PLD1: variants seen among roughly 807,000 people sequenced by gnomAD.
PLD1 encodes phospholipase D1, also known as choline phosphatase 1.
A neutral mutation model predicts 137.1 loss-of-function variants in PLD1; 112 were observed. That is an observed-to-expected ratio of 0.82 (90% CI 0.70 to 0.96). The LOEUF is 0.96. PLD1 is among the 40% of genes least tolerant of loss of function. The probability of loss-of-function intolerance (pLI) is 0.00; values close to 1 mark genes in which losing one functional copy is unlikely to be tolerated. For synonymous variants in PLD1, 431 were observed against 454.7 expected (o/e 0.95, Z 0.66); for missense variants, 1,321 against 1,342.0 (o/e 0.98, Z 0.24).
chr3:171,767,641 T>C (rs181453077), intron 1 of PLD1, among the ~76,000 whole-genome samples: 5 of 152,362 alleles, frequency 3.3e-5, no homozygotes, highest in Admixed American at 2.0e-4. Context: ...TACTAGTTGC[T>C]CTGACTTAGG....
intron 21 of PLD1, among the ~76,000 whole-genome samples, chr3:171,649,579 A>G (rs549715580): frequency 2.1e-4 from 32 of 152,344 alleles, no homozygotes; most frequent in African/African-American, 7.0e-4. Context: ...GATAGCATTC[A>G]GCTTAGGGTA....
At chr3:171,787,775 GGAAAA>G (rs1310045855) in intron 1 of PLD1, among the ~76,000 whole-genome samples, 2 of 150,652 alleles carry the variant, frequency 1.3e-5, no homozygotes, top group African/African-American at 4.9e-5. Context: ...TTCTCATTTA[GGAAAA>G]GAAAATATTT....
intron 21 of PLD1, among the ~76,000 whole-genome samples, chr3:171,657,361 G>A (rs1187466124): frequency 6.6e-6 from 1 of 152,126 alleles, no homozygotes; most frequent in Non-Finnish European, 1.5e-5. Flanking sequence ...ACATGACACT[G>A]GAAGTAAAAA....
intron 19 of PLD1, among the ~76,000 whole-genome samples, chr3:171,667,905 C>T (rs1300845932): frequency 6.6e-6 from 1 of 152,264 alleles, no homozygotes; most frequent in South Asian, 2.1e-4. Context: ...GCCCATGCCA[C>T]CATGCTGAAC....
At chr3:171,687,233 A>G (rs1196860070) in intron 15 of PLD1, 138 bp downstream of exon 15, 1 of 678,920 alleles carries the variant, frequency 1.5e-6, no homozygotes, top group African/African-American at 1.8e-5. Context: ...GAGGTTGAAT[A>G]GAATGATATA....
At chr3:171,651,815 G>A (rs891728522) in intron 21 of PLD1, among the ~76,000 whole-genome samples, 5 of 152,036 alleles carry the variant, frequency 3.3e-5, no homozygotes, top group African/African-American at 9.7e-5. Context: ...TGGCCCAGAC[G>A]GTTTTCATTG....
At chr3:171,639,354 G>A (rs532976474) in intron 23 of PLD1, among the ~76,000 whole-genome samples, 1 of 124,764 alleles carries the variant, frequency 8.0e-6, no homozygotes. Context: ...AGATATATAT[G>A]AATATATATT....
chr3:171,677,587 GAACC>G lies in PLD1; in HGVS notation c.1971_1974del (p.Trp657CysfsTer50). 1 of 1,613,996 alleles carries G rather than the reference GAACC, an allele frequency of 6.2e-7. No individual in the cohort carries two copies. Among genetic ancestry groups the G allele is most frequent in the Admixed American group, 1.7e-5 (1 of 60,006 alleles). ...TCACCAGCAAAAGGTTTATCAAGTT[GAACC>G]CAGTCTTTGAAGACGAAATTGCAGT... On this transcript the variant is annotated frameshift_variant, in exon 17 of 27. Transcript: ENST00000351298. LOFTEE classifies it high-confidence loss of function.
rs114900103 is a variant in PLD1 at position 171,645,141 on chromosome 3, G to A, written c.2430-118C>T. On this transcript the variant is annotated intron_variant, in intron 21 of 26. Transcript: ENST00000351298. ...TTGAGTGAATGGCTTCCTACAACAC[G>A]TTCTGTCACATTTCAGGACTTGGGA... The A allele has an allele frequency of 0.011, 7,674 of 698,908 alleles. 460 individuals carry two copies. The African/African-American group carries it at 0.12, about 11-fold the overall frequency. 43.3% of individuals were successfully genotyped at this position (698,908 alleles called of 1,614,324 possible).
At chr3:171,764,892 A>G (rs71629240) in intron 1 of PLD1, among the ~76,000 whole-genome samples, 2,735 of 18,842 alleles carry the variant, frequency 0.15, 126 homozygotes, top group Middle Eastern at 0.31. Context: ...AGAAAGAAAG[A>G]AAGGAAGGAA....
In PLD1 at chr3:171,602,827, C is replaced by G. The variant is rs1229448120; in HGVS notation, c.*251G>C. The G allele has an allele frequency of 1.6e-5, 8 of 497,134 alleles. No individual in the cohort carries two copies. Among genetic ancestry groups the G allele is most frequent in the Non-Finnish European group, 2.9e-5 (8 of 278,344 alleles). 30.8% of individuals were successfully genotyped at this position (497,134 alleles called of 1,614,324 possible). Reference sequence around the variant, plus strand: ...ACGGAATTTGAATATGTGTTTTACTCAACAGAGTACATGCTACCAACAAGA... The same window carrying G: ...ACGGAATTTGAATATGTGTTTTACTGAACAGAGTACATGCTACCAACAAGA... On this transcript the variant is annotated 3_prime_UTR_variant, in exon 27 of 27. Coordinates refer to ENST00000351298, the MANE Select transcript of PLD1 (RefSeq NM_002662.5).
At chr3:171,794,694 A>G (rs1723358430) in intron 1 of PLD1, among the ~76,000 whole-genome samples, 1 of 152,226 alleles carries the variant, frequency 6.6e-6, no homozygotes, top group Admixed American at 6.5e-5. Flanking sequence ...TTAAAAAAAA[A>G]AAGTACTGGA....
intron 25 of PLD1, among the ~76,000 whole-genome samples, chr3:171,609,802 G>A (rs1207414644): frequency 6.6e-6 from 1 of 151,970 alleles, no homozygotes; most frequent in Non-Finnish European, 1.5e-5. Context: ...TGGGTACAAT[G>A]TACACTATTT....
chr3:171,709,286 C>T (rs1235997068), intron 10 of PLD1, among the ~76,000 whole-genome samples: 1 of 152,136 alleles, frequency 6.6e-6, no homozygotes, highest in East Asian at 1.9e-4. Flanking sequence ...ATAAACCTTC[C>T]ATTTGCATCA....
chr3:171,632,064 A>G (rs551674821), intron 23 of PLD1, among the ~76,000 whole-genome samples: 2 of 152,316 alleles, frequency 1.3e-5, no homozygotes, highest in South Asian at 2.1e-4. Context: ...ACCTTCACTA[A>G]GTGATCAAAG....
At chr3:171,787,312 C>A (rs530947524) in intron 1 of PLD1, among the ~76,000 whole-genome samples, 2 of 152,230 alleles carry the variant, frequency 1.3e-5, no homozygotes, top group Admixed American at 6.5e-5. Flanking sequence ...ACAACACAGG[C>A]CTACTTTCTG....
chr3:171,606,469 G>A (rs1732212999), intron 25 of PLD1, among the ~76,000 whole-genome samples: 2 of 152,236 alleles, frequency 1.3e-5, no homozygotes, highest in South Asian at 4.2e-4. Flanking sequence ...GTTTTTTTCT[G>A]AGTTCACCAA....
rs1177328626 is a variant in PLD1 at position 171,792,495 on chromosome 3, G to A, written c.-32+17904C>T. ...AGTACCACACCAGCTGATCTGCAAG[G>A]TGAGAAGGGGGCCCTCAGACACGAA... On this transcript the variant is annotated intron_variant, in intron 1 of 26. Coordinates refer to ENST00000351298, the MANE Select transcript of PLD1 (RefSeq NM_002662.5). 1.1e-5 allele frequency: 5 copies of A among 440,362 alleles called. No homozygotes were observed. In the Admixed American group the frequency reaches 1.2e-4, roughly 11 times the overall value. 27.3% of individuals were successfully genotyped at this position (440,362 alleles called of 1,614,324 possible). A position where few individuals can be genotyped will look rare whatever the true frequency, so the allele number is the denominator to read the frequency against.
At chr3:171,787,479 ACAAAATGCAGCACC>A (rs1723053407) in intron 1 of PLD1, among the ~76,000 whole-genome samples, 1 of 152,172 alleles carries the variant, frequency 6.6e-6, no homozygotes, top group Non-Finnish European at 1.5e-5. Flanking sequence ...AGCTGGTTGT[ACAAAATGCAGCACC>A]CAAGAACTTC....
Sources: allele counts gnomAD v4.1 joint callset (sites outside exome capture counted in the v4.1 genomes callset), GRCh38; gene constraint gnomAD v4.1.1; transcripts MANE v1.5; gene names NCBI Gene and HGNC (gene_info 2026-07-23, HGNC 2026-07-21).